RFC1: variants seen among roughly 807,000 people sequenced by gnomAD.
The protein encoded by RFC1 is replication factor C subunit 1.
In RFC1, 37 loss-of-function variants were observed where a neutral mutation model predicts 137.4. That is an observed-to-expected ratio of 0.27 (90% CI 0.21 to 0.35). RFC1 has a LOEUF of 0.35. Ranked by LOEUF, RFC1 falls within the 10% of genes least tolerant of loss-of-function variation. The pLI is 1.00. For missense variants in RFC1, 1,205 were observed against 1,358.5 expected (o/e 0.89, Z 1.78); for synonymous variants, 429 against 455.7 (o/e 0.94, Z 0.75).
chr4:39,309,141 C>A, intron 12 of RFC1, 109 bp from the exon 13 acceptor site: 4 of 1,174,902 alleles, frequency 3.4e-6, no homozygotes, highest in Middle Eastern at 2.5e-4. Flanking sequence ...GTGGGCTACT[C>A]AACCTGGGCT....
intron 4 of RFC1, among the ~76,000 whole-genome samples, chr4:39,340,160 T>C (rs1332893858): frequency 6.6e-6 from 1 of 152,218 alleles, no homozygotes; most frequent in Non-Finnish European, 1.5e-5. Flanking sequence ...AAGGCCATGC[T>C]TTTAAACAGT....
intron 6 of RFC1, 78 bp from the exon 7 acceptor site, chr4:39,323,495 A>T: frequency 8.3e-7 from 1 of 1,210,692 alleles, no homozygotes; most frequent in Non-Finnish European, 1.2e-6. Context: ...TCTGATTCAT[A>T]TATTTAGAAG....
At chr4:39,291,890 G>C in intron 22 of RFC1, 38 bp from the exon 23 acceptor site, 1 of 1,462,894 alleles carries the variant, frequency 6.8e-7, no homozygotes, top group Non-Finnish European at 9.6e-7. Flanking sequence ...CAACAGCAAA[G>C]TATCAACTCA....
chr4:39,303,130 C>T lies in RFC1; in HGVS notation c.2132G>A (p.Ser711Asn). 1.9e-6 allele frequency: 3 copies of T among 1,613,766 alleles called. No individual in the cohort carries two copies. The highest frequency in any genetic ancestry group is 2.5e-6 in the Non-Finnish European group (3 of 1,179,800). ...ATCCATGATGAGAGCATGTTTCGTG[C>T]TTACTGAAGAGGCTGCTCCATCTGA... ...FYSNGAASSV[S>N]TKHALIMDEV... Residue 711 changes from serine to asparagine, a missense_variant, in exon 16 of 25, where the codon AGC becomes AAC. Ser to Asn is a conservative substitution (Grantham distance 46, BLOSUM62 1). This residue lies in a region of RFC1 where 962 missense variants were observed against 1,035.3 expected (regional missense o/e 0.93). Coordinates refer to ENST00000349703, the MANE Select transcript of RFC1 (RefSeq NM_002913.5).
At chr4:39,358,191 C>T (rs1741577408) in intron 1 of RFC1, among the ~76,000 whole-genome samples, 1 of 151,980 alleles carries the variant, frequency 6.6e-6, no homozygotes. Flanking sequence ...AGGAGAATCA[C>T]TTCAACCTGG....
At chr4:39,315,342 C>T (rs940036037) in intron 10 of RFC1, among the ~76,000 whole-genome samples, 1 of 152,252 alleles carries the variant, frequency 6.6e-6, no homozygotes, top group African/African-American at 2.4e-5. Context: ...AAACTTCTCT[C>T]CCATATTTGT....
chr4:39,298,732 T>C (rs1470083033), intron 21 of RFC1, among the ~76,000 whole-genome samples: 1 of 152,122 alleles, frequency 6.6e-6, no homozygotes, highest in Non-Finnish European at 1.5e-5. Flanking sequence ...ACACAGCAAA[T>C]GAAACTTTTG....
chr4:39,298,291 G>C (rs1006049183), intron 21 of RFC1, among the ~76,000 whole-genome samples: 1 of 131,196 alleles, frequency 7.6e-6, no homozygotes, highest in Admixed American at 8.4e-5. Context: ...CTGCCTGACA[G>C]AGTGAGACCT....
At chr4:39,351,510 C>T (rs770432253) in intron 1 of RFC1, 34 bp from the exon 2 acceptor site, 3 of 1,489,496 alleles carry the variant, frequency 2.0e-6, no homozygotes, top group Non-Finnish European at 2.7e-6. Flanking sequence ...CACGAATAAA[C>T]ATTAACCGCA....
At chr4:39,355,098 TACACACACAC>T (rs59438877) in intron 1 of RFC1, among the ~76,000 whole-genome samples, 41,875 of 89,822 alleles carry the variant, frequency 0.47, 9,711 homozygotes, top group East Asian at 0.6. Context: ...AAAAAAAAAA[TACACACACAC>T]ACACACACAC....
At chr4:39,331,800 T>G (rs1266764785) in intron 4 of RFC1, among the ~76,000 whole-genome samples, 4 of 152,206 alleles carry the variant, frequency 2.6e-5, no homozygotes, top group Non-Finnish European at 5.9e-5. Flanking sequence ...AAAGAATCAA[T>G]AAAACATTAA....
intron 12 of RFC1, among the ~76,000 whole-genome samples, chr4:39,310,214 A>C (rs748849740): frequency 6.7e-4 from 102 of 152,310 alleles, no homozygotes; most frequent in Non-Finnish European, 3.4e-4. Flanking sequence ...GTACTCATTA[A>C]AAGTGTCAAG....
chr4:39,357,953 T>C (rs1741565316), intron 1 of RFC1, among the ~76,000 whole-genome samples: 1 of 151,942 alleles, frequency 6.6e-6, no homozygotes, highest in South Asian at 2.1e-4. Context: ...AAAAATCAAA[T>C]TTAAACTACT....
chr4:39,303,477 C>T (rs1330652029), intron 15 of RFC1, among the ~76,000 whole-genome samples: 2 of 150,324 alleles, frequency 1.3e-5, no homozygotes, highest in Non-Finnish European at 3.0e-5. Context: ...TTTTTTGAGA[C>T]AGAGTTTCAC....
chr4:39,296,758 G>C (rs1738033631), intron 21 of RFC1, among the ~76,000 whole-genome samples: 1 of 149,678 alleles, frequency 6.7e-6, no homozygotes, highest in South Asian at 2.1e-4. Context: ...AGTCATTTGG[G>C]TATATACCCA....
At chr4:39,354,725 C>T (rs546180926) in intron 1 of RFC1, among the ~76,000 whole-genome samples, 1 of 140,436 alleles carries the variant, frequency 7.1e-6, no homozygotes, top group South Asian at 2.3e-4. Context: ...CAAGTTCAGC[C>T]TGGACAACAT....
In RFC1 at chr4:39,300,396, G is replaced by C. The variant is rs768328174; in HGVS notation, c.2554C>G (p.Arg852Gly). The change falls in exon 20 of 25, where the codon CGG (arginine) becomes GGG (glycine). Residue 852 changes from arginine (R) to glycine (G), a missense_variant. This residue lies in a region of RFC1 where 962 missense variants were observed against 1,035.3 expected (regional missense o/e 0.93). Transcript: ENST00000349703. ...TCCTCTCCAGCTGCAAACACTTTCC[G>C]GGCAACATCAAATGGGCCCTGAAAA... Reference protein sequence around the residue: ...DIKMGPFDVARKVFAAGEETA... With the variant: ...DIKMGPFDVAGKVFAAGEETA... The C allele has an allele frequency of 6.2e-7, 1 of 1,613,854 alleles. No individual in the cohort carries two copies. The highest frequency in any genetic ancestry group is 1.3e-5 in the African/African-American group (1 of 74,878).
chr4:39,326,989 T>C (rs1448812923), intron 5 of RFC1, among the ~76,000 whole-genome samples: 1 of 152,236 alleles, frequency 6.6e-6, no homozygotes, highest in African/African-American at 2.4e-5. Flanking sequence ...TACATTGTTC[T>C]ATGGAGGAAG....
intron 7 of RFC1, chr4:39,322,394 TG>T (rs1477123505): frequency 6.6e-6 from 1 of 151,678 alleles, no homozygotes; most frequent in Non-Finnish European, 1.5e-5. Flanking sequence ...GGTGACAAAG[TG>T]AGACCTCGCA....
Sources: gnomAD v4.1 joint callset for allele counts (sites outside exome capture counted in the v4.1 genomes callset) on GRCh38, gnomAD v4.1.1 for gene constraint, gnomAD v4.1.1 regional missense constraint, MANE v1.5 for transcripts, NCBI Gene and HGNC (gene_info 2026-07-23, HGNC 2026-07-21) for gene names.